ELAPOR2: variants seen among roughly 807,000 people sequenced by gnomAD.
The protein encoded by ELAPOR2 is endosome-lysosome associated apoptosis and autophagy regulator family member 2, also known as endosome/lysosome-associated apoptosis and autophagy regulator family member 2.
In ELAPOR2, 89 loss-of-function variants were observed where a neutral mutation model predicts 120.7. That is an observed-to-expected ratio of 0.74 (90% CI 0.62 to 0.88). The LOEUF is 0.88. Ranked by LOEUF, ELAPOR2 falls within the 40% of genes least tolerant of loss-of-function variation. The probability of loss-of-function intolerance (pLI) is 0.00; values close to 1 mark genes in which losing one functional copy is unlikely to be tolerated. For missense variants in ELAPOR2, 1,134 were observed against 1,251.6 expected (o/e 0.91, Z 1.42); for synonymous variants, 444 against 444.9 (o/e 1.00, Z 0.03).
At chr7:86,893,217 T>A in intron 19 of ELAPOR2, 117 bp from the exon 20 acceptor site, 2 of 775,672 alleles carry the variant, frequency 2.6e-6, no homozygotes, top group Non-Finnish European at 4.0e-6. Flanking sequence ...AGGGTTTTGC[T>A]AACCCTTTAC....
intron 1 of ELAPOR2, among the ~76,000 whole-genome samples, chr7:86,997,435 C>A (rs1393172985): frequency 3.9e-5 from 6 of 152,082 alleles, no homozygotes; most frequent in African/African-American, 1.4e-4. Flanking sequence ...TACGGAATTA[C>A]CAGACCTAAA....
At chr7:86,977,669 T>C (rs911875111) in intron 1 of ELAPOR2, among the ~76,000 whole-genome samples, 4 of 152,254 alleles carry the variant, frequency 2.6e-5, no homozygotes, top group African/African-American at 9.6e-5. Flanking sequence ...TCTGTTTTCC[T>C]ACATCAGTTT....
chr7:86,905,078 GGAA>G (rs1562909905), intron 18 of ELAPOR2, among the ~76,000 whole-genome samples: 12 of 66,718 alleles, frequency 1.8e-4, no homozygotes, highest in African/African-American at 8.3e-4. Context: ...AGAGAAGGAA[GGAA>G]GGAAGGAAGG....
chr7:86,919,388 A>G, intron 10 of ELAPOR2, 78 bp from the exon 11 acceptor site: 2 of 836,696 alleles, frequency 2.4e-6, no homozygotes, highest in East Asian at 2.8e-5. Flanking sequence ...TAAGGTAAAA[A>G]TAAAAAGAAG....
chr7:87,043,997 C>T (rs906333135), intron 1 of ELAPOR2, among the ~76,000 whole-genome samples: 1 of 148,316 alleles, frequency 6.7e-6, no homozygotes, highest in African/African-American at 2.5e-5. Flanking sequence ...GAGTGAACTC[C>T]CATTCACAAT....
At chr7:86,950,207 G>T (rs1791187730) in intron 2 of ELAPOR2, among the ~76,000 whole-genome samples, 1 of 152,218 alleles carries the variant, frequency 6.6e-6, no homozygotes, top group Non-Finnish European at 1.5e-5. Flanking sequence ...AAGCTATTCT[G>T]TAGCTCAATA....
chr7:86,923,378 T>G (rs1214071236), intron 10 of ELAPOR2, among the ~76,000 whole-genome samples: 3 of 151,964 alleles, frequency 2.0e-5, no homozygotes, highest in African/African-American at 7.2e-5. Flanking sequence ...TATCAAAATA[T>G]CACACGTACC....
Position 87,024,194 on chromosome 7 carries a change from G to A in ELAPOR2, c.189+35131C>T, listed in dbSNP as rs1794163534. Among the ~76,000 whole-genome samples, 3 of 152,282 alleles carry A rather than the reference G, an allele frequency of 2.0e-5. No individual in the cohort carries two copies. In the South Asian group the frequency reaches 6.2e-4, roughly 32 times the overall value. On this transcript the variant is annotated intron_variant, in intron 1 of 21. Coordinates refer to ENST00000450689, the MANE Select transcript of ELAPOR2 (RefSeq NM_001142749.3). ...TTGCCCATTCAGTATGATATTGGCT[G>A]TGAGTTTGTCGTAGATAGCTCTCAT...
At position 86,964,840 on chromosome 7, in the gene ELAPOR2, A is replaced by G. The variant is rs1050754412; in HGVS notation, c.310+64T>C. ...CCTACATTCATTATAATTAACATCTAGGGCTAATATGAAGAGGTAATTGTT... is the reference window on the plus strand; with the variant it reads ...CCTACATTCATTATAATTAACATCTGGGGCTAATATGAAGAGGTAATTGTT... On this transcript the variant is annotated intron_variant, in intron 2 of 21. Coordinates refer to ENST00000450689, the MANE Select transcript of ELAPOR2 (RefSeq NM_001142749.3). 7 of 1,514,474 alleles carry G rather than the reference A, an allele frequency of 4.6e-6. No individual in the cohort carries two copies. In the African/African-American group the frequency reaches 9.7e-5, roughly 21 times the overall value. The allele number at this position is 1,514,474 out of a possible 1,614,324, so 93.8% of individuals were successfully genotyped here.
intron 21 of ELAPOR2, among the ~76,000 whole-genome samples, chr7:86,883,941 G>A (rs1293671880): frequency 1.3e-5 from 2 of 152,002 alleles, no homozygotes. Context: ...AAGTGTTTTG[G>A]GGTGAAGTGT....
At chr7:86,982,524 G>A (rs1030419902) in intron 1 of ELAPOR2, among the ~76,000 whole-genome samples, 2 of 152,234 alleles carry the variant, frequency 1.3e-5, no homozygotes, top group African/African-American at 4.8e-5. Context: ...AGCCTCCACT[G>A]GTGATAACCA....
At chr7:86,962,138 T>A (rs1237624895) in intron 2 of ELAPOR2, among the ~76,000 whole-genome samples, 3 of 152,212 alleles carry the variant, frequency 2.0e-5, no homozygotes, top group Admixed American at 2.0e-4. Context: ...TGCAGCCAGA[T>A]CTTATGTAAT....
At chr7:87,012,591 G>A (rs1480962111) in intron 1 of ELAPOR2, among the ~76,000 whole-genome samples, 7 of 152,118 alleles carry the variant, frequency 4.6e-5, no homozygotes, top group African/African-American at 1.4e-4. Context: ...TGTACACAAA[G>A]TATCTGTACT....
At chr7:86,972,048 A>C (rs1219160954) in intron 1 of ELAPOR2, among the ~76,000 whole-genome samples, 2 of 152,124 alleles carry the variant, frequency 1.3e-5, no homozygotes, top group African/African-American at 4.8e-5. Flanking sequence ...AAAGATGTAA[A>C]AGTGTTAGAG....
At chr7:86,925,772 G>T in intron 9 of ELAPOR2, 116 bp from the exon 10 acceptor site, 1 of 921,066 alleles carries the variant, frequency 1.1e-6, no homozygotes, top group Non-Finnish European at 1.7e-6. Flanking sequence ...GGAAAAAAAA[G>T]ATATTGGACT....
Position 86,892,245 on chromosome 7 carries a change from C to T in ELAPOR2, c.2865-356G>A, listed in dbSNP as rs769727286. ...ACTAAGGTTTTCCCAGTATTTAGTT[C>T]GTAAAGATGAGAATATCAAACAGGC... On this transcript the variant is annotated intron_variant, in intron 20 of 21. Coordinates refer to ENST00000450689, the MANE Select transcript of ELAPOR2 (RefSeq NM_001142749.3). Among the ~76,000 whole-genome samples, 14 of 152,030 alleles carry T rather than the reference C, an allele frequency of 9.2e-5. No homozygotes were observed. In the South Asian group the frequency reaches 2.3e-3, roughly 25 times the overall value.
intron 1 of ELAPOR2, among the ~76,000 whole-genome samples, chr7:87,022,940 A>T (rs1267104786): frequency 6.6e-6 from 1 of 151,634 alleles, no homozygotes; most frequent in Non-Finnish European, 1.5e-5. Flanking sequence ...TTTTCTTGTA[A>T]ATTTGTTGGA....
intron 10 of ELAPOR2, among the ~76,000 whole-genome samples, chr7:86,923,486 A>G (rs1251080809): frequency 6.6e-6 from 1 of 152,054 alleles, no homozygotes; most frequent in Non-Finnish European, 1.5e-5. Flanking sequence ...TAGCTATATC[A>G]TAATTTTATT....
intron 21 of ELAPOR2, among the ~76,000 whole-genome samples, chr7:86,884,352 C>G (rs1584300461): frequency 1.3e-5 from 2 of 152,282 alleles, no homozygotes; most frequent in Admixed American, 6.5e-5. Flanking sequence ...ATTCACCAGG[C>G]AATCAGCCTT....
Sources: gnomAD v4.1 joint callset for allele counts (sites outside exome capture counted in the v4.1 genomes callset) on GRCh38, gnomAD v4.1.1 for gene constraint, MANE v1.5 for transcripts, NCBI Gene and HGNC (gene_info 2026-07-23, HGNC 2026-07-21) for gene names.